CLASP2: variants seen among roughly 807,000 people sequenced by gnomAD.
The protein encoded by CLASP2 is CLIP-associating protein 2.
CLASP2 carries 47 observed loss-of-function variants against 194.4 expected under a neutral mutation model. That is an observed-to-expected ratio of 0.24 (90% confidence interval 0.19 to 0.31). The LOEUF (loss-of-function observed/expected upper bound fraction) is 0.31, where lower values mean the gene tolerates loss of function less well. CLASP2 is among the 10% of genes least tolerant of loss of function. CLASP2 has a pLI of 1.00. For missense variants in CLASP2, 1,445 were observed against 1,823.6 expected, an observed-to-expected ratio of 0.79 and a Z score of 3.78; for synonymous variants, 619 against 633.5, an observed-to-expected ratio of 0.98 and a Z score of 0.34.
intron 3 of CLASP2, among the ~76,000 whole-genome samples, chr3:33,688,663 G>A (rs2090993087): frequency 6.6e-6 from 1 of 152,082 alleles, no homozygotes; most frequent in Non-Finnish European, 1.5e-5. Flanking sequence ...AAGGACACAG[G>A]ATTTCTTCTA....
At chr3:33,561,148 G>T (rs2061733096) in intron 27 of CLASP2, among the ~76,000 whole-genome samples, 177 bp from the exon 28 acceptor site, 1 of 152,158 alleles carries the variant, frequency 6.6e-6, no homozygotes, top group African/African-American at 2.4e-5. Context: ...GAGTACCTTT[G>T]AACTGTTATC....
chr3:33,553,526 T>G (rs907647715), intron 29 of CLASP2, among the ~76,000 whole-genome samples: 1 of 152,106 alleles, frequency 6.6e-6, no homozygotes, highest in Non-Finnish European at 1.5e-5. Flanking sequence ...ATAAACTATT[T>G]AGAAAATGGG....
chr3:33,500,352 A>G lies in CLASP2; in HGVS notation c.4434+1300T>C, dbSNP rs532402396. ...TTGTTTCATCTAACGTTATTCCAAAATATTTTTTCCACCTACCTACTGTCT... is the reference window on the plus strand; with the variant it reads ...TTGTTTCATCTAACGTTATTCCAAAGTATTTTTTCCACCTACCTACTGTCT... On this transcript the variant is annotated intron_variant, in intron 38 of 38. Transcript: ENST00000682230. 2.5e-4 allele frequency among the ~76,000 whole-genome samples: 38 copies of G among 152,188 alleles called. No homozygotes were observed. The South Asian group carries it at 7.5e-3, about 30-fold the overall frequency.
At chr3:33,510,115 T>G (rs1226030434) in intron 37 of CLASP2, among the ~76,000 whole-genome samples, 1 of 152,214 alleles carries the variant, frequency 6.6e-6, no homozygotes, top group Non-Finnish European at 1.5e-5. Context: ...AACATTATGC[T>G]AAGTGAAATA....
At chr3:33,604,319 T>C (rs2073169833) in intron 16 of CLASP2, 110 bp from the exon 17 acceptor site, 3 of 758,858 alleles carry the variant, frequency 4.0e-6, no homozygotes, top group Middle Eastern at 3.5e-4. Flanking sequence ...ATTTCTTTTT[T>C]CTTTTTTTTT....
At chr3:33,535,886 A>T (rs934036893) in intron 33 of CLASP2, among the ~76,000 whole-genome samples, 24 of 152,082 alleles carry the variant, frequency 1.6e-4, no homozygotes, top group African/African-American at 5.8e-4. Flanking sequence ...TCAAAAAAGC[A>T]TAATAAAATC....
At chr3:33,579,042 G>T (rs1485129644) in intron 23 of CLASP2, among the ~76,000 whole-genome samples, 1 of 152,146 alleles carries the variant, frequency 6.6e-6, no homozygotes, top group Non-Finnish European at 1.5e-5. Context: ...AATGGGAATA[G>T]CAAGAACAAC....
intron 10 of CLASP2, 75 bp from the exon 11 acceptor site, chr3:33,622,355 T>C (rs1051583038): frequency 8.4e-7 from 1 of 1,186,264 alleles, no homozygotes; most frequent in East Asian, 2.8e-5. Flanking sequence ...ACTTCATTAT[T>C]CAAACAAAAA....
chr3:33,531,367 T>A (rs923528782), intron 34 of CLASP2, among the ~76,000 whole-genome samples: 1 of 152,136 alleles, frequency 6.6e-6, no homozygotes, highest in Non-Finnish European at 1.5e-5. Flanking sequence ...AACAACCTGA[T>A]TCAAACATGG....
chr3:33,524,713 TACA>T, intron 34 of CLASP2, among the ~76,000 whole-genome samples: 1 of 152,192 alleles, frequency 6.6e-6, no homozygotes, highest in Admixed American at 6.5e-5. Context: ...AAAAACAGGT[TACA>T]ACAGATAAAG....
At chr3:33,610,893 T>C (rs894467451) in intron 13 of CLASP2, among the ~76,000 whole-genome samples, 2 of 152,218 alleles carry the variant, frequency 1.3e-5, no homozygotes, top group African/African-American at 4.8e-5. Flanking sequence ...ACACAGTATT[T>C]AATTAAACAT....
chr3:33,605,104 A>G (rs1217379767), intron 16 of CLASP2, among the ~76,000 whole-genome samples: 1 of 152,234 alleles, frequency 6.6e-6, no homozygotes, highest in South Asian at 2.1e-4. Flanking sequence ...GCAATATAAA[A>G]TATCTTCCTT....
chr3:33,718,199 C>T lies in CLASP2; in HGVS notation c.-197G>A. ...CCCAAACTAGTCAAACTCGGCGCCC[C>T]CCGATCCCCAGCCCGCTTCAGAGGC... On this transcript the variant is annotated 5_prime_UTR_variant, in exon 1 of 39. Coordinates refer to ENST00000682230, the MANE Select transcript of CLASP2 (RefSeq NM_001365631.1). The T allele has an allele frequency of 2.6e-6, 1 of 378,736 alleles. No individual in the cohort carries two copies. The highest frequency in any genetic ancestry group is 4.7e-6 in the Non-Finnish European group (1 of 214,582). The allele number at this position is 378,736 out of a possible 1,614,324, so 23.5% of individuals were successfully genotyped here.
At chr3:33,710,891 C>T (rs561703522) in intron 1 of CLASP2, among the ~76,000 whole-genome samples, 9 of 151,900 alleles carry the variant, frequency 5.9e-5, no homozygotes, top group East Asian at 2.0e-4. Context: ...GCTGAGATCA[C>T]GCCACTGCAC....
intron 6 of CLASP2, among the ~76,000 whole-genome samples, chr3:33,672,321 A>G (rs2087459709): frequency 6.6e-6 from 1 of 152,206 alleles, no homozygotes; most frequent in Non-Finnish European, 1.5e-5. Flanking sequence ...CACTGCTGAT[A>G]CCCAGGCAAA....
intron 22 of CLASP2, among the ~76,000 whole-genome samples, chr3:33,583,746 A>G (rs1000333790): frequency 1.3e-5 from 2 of 152,238 alleles, no homozygotes; most frequent in Admixed American, 1.3e-4. Context: ...AATATTTTTT[A>G]AAGTTACATA....
At chr3:33,659,426 T>C (rs893725785) in intron 7 of CLASP2, 8 of 1,001,914 alleles carry the variant, frequency 8.0e-6, no homozygotes, top group African/African-American at 3.5e-5. Flanking sequence ...AAGATATCCA[T>C]GTAATCAGTA....
chr3:33,669,585 TA>T (rs895013534), intron 6 of CLASP2, among the ~76,000 whole-genome samples: 153 of 139,848 alleles, frequency 1.1e-3, no homozygotes, highest in Middle Eastern at 3.6e-3. Flanking sequence ...GAACTCAATT[TA>T]AAAAAAAAAA....
chr3:33,500,814 G>A (rs1045256364), intron 38 of CLASP2, among the ~76,000 whole-genome samples: 2 of 152,116 alleles, frequency 1.3e-5, no homozygotes, highest in Non-Finnish European at 1.5e-5. Context: ...TTTAAGTGAC[G>A]GTGAGTGCTT....
Sources: gnomAD v4.1 joint callset for allele counts (sites outside exome capture counted in the v4.1 genomes callset) on GRCh38, gnomAD v4.1.1 for gene constraint, MANE v1.5 for transcripts, NCBI Gene and HGNC (gene_info 2026-07-23, HGNC 2026-07-21) for gene names.